KDM5C: variants seen among roughly 807,000 people sequenced by gnomAD.
KDM5C encodes the protein lysine demethylase 5C, also known as lysine-specific demethylase 5C.
Under a neutral mutation model 110.6 loss-of-function variants are expected in KDM5C, and 16 were observed. The observed-to-expected ratio is 0.14, with a 90% CI of 0.10 to 0.22. KDM5C has a LOEUF of 0.22. KDM5C is among the 10% of genes least tolerant of loss of function. The probability of loss-of-function intolerance (pLI) is 1.00; values close to 1 mark genes in which losing one functional copy is unlikely to be tolerated. For missense variants in KDM5C, 681 were observed against 1,300.9 expected (o/e 0.52, Z 7.33); for synonymous variants, 511 against 520.4 (o/e 0.98, Z 0.24).
At chrX:53,201,267 T>G in intron 14 of KDM5C, 1 of 363,615 alleles carries the variant, frequency 2.8e-6, no homozygotes, top group Non-Finnish European at 4.9e-6. Flanking sequence ...GTACCTGCCA[T>G]GGGTCAGTCA....
intron 14 of KDM5C, among the ~76,000 whole-genome samples, chrX:53,199,926 A>T (rs1463576914): frequency 9.9e-5 from 11 of 111,654 alleles, no homozygotes; most frequent in African/African-American, 3.6e-4. Flanking sequence ...TTATGAGCCC[A>T]AATCCCACTC....
Position 53,220,923 on chromosome X carries a change from G to A in KDM5C, c.151-7C>T, listed in dbSNP as rs367696630. The A allele has an allele frequency of 4.6e-5, 55 of 1,191,487 alleles. No homozygotes were observed. In the African/African-American group the frequency reaches 8.3e-4, roughly 18 times the overall value. On this transcript the variant is annotated splice_region_variant and splice_polypyrimidine_tract_variant and intron_variant, in intron 1 of 25. Transcript: ENST00000375401. ...CAAAGGGTGGCTGCCAGTCCTGAGA[G>A]GGTAGAGAGGGGAAAGGGACTTGAG...
At chrX:53,206,863 CAAAAAAA>C (rs58880985) in intron 12 of KDM5C, among the ~76,000 whole-genome samples, 1 of 22,329 alleles carries the variant, frequency 4.5e-5, no homozygotes, top group Non-Finnish European at 6.6e-5. Context: ...GATTCCTTCT[CAAAAAAA>C]AAAAAAAAAA....
intron 1 of KDM5C, chrX:53,221,826 G>A: frequency 8.4e-6 from 6 of 718,406 alleles, no homozygotes; most frequent in Non-Finnish European, 1.2e-5. Context: ...GATTTGGGGA[G>A]GGAAGTCAGG....
chrX:53,185,997 T>C (rs782026620), intron 25 of KDM5C, among the ~76,000 whole-genome samples: 1 of 111,952 alleles, frequency 8.9e-6, no homozygotes, highest in East Asian at 2.8e-4. Context: ...GCCACAGTCA[T>C]TGTACACTGG....
Position 53,199,007 on chromosome X carries a change from C to T in KDM5C, c.2213G>A (p.Cys738Tyr), listed in dbSNP as rs782004965. 1 of 1,212,124 alleles carries T rather than the reference C, an allele frequency of 8.2e-7. No homozygotes were observed. Among genetic ancestry groups the T allele is most frequent in the Non-Finnish European group, 1.1e-6 (1 of 895,616 alleles). ...LVCLSHINDL[C>Y]KCSSSRQYLR... ...GTACTGCCGGCTACTGGAGCACTTG[C>T]AGAGATCATTGATGTGGGAAAGGCA... Residue 738 changes from cysteine to tyrosine, a missense_variant, in exon 15 of 26, where the codon TGC becomes TAC. Cys to Tyr is a radical substitution (Grantham distance 194). Transcript: ENST00000375401.
chrX:53,193,778 T>C lies in KDM5C; in HGVS notation c.4112A>G (p.Lys1371Arg). 2 of 1,208,704 alleles carry C rather than the reference T, an allele frequency of 1.7e-6. No individual in the cohort carries two copies. Residue 1371 changes from lysine (K) to arginine (R), a missense_variant, in exon 24 of 26, where the codon AAG becomes AGG. By Grantham distance (26) the Lys-to-Arg change is conservative (BLOSUM62 2). Around this residue, in one of 14 missense-constraint regions of KDM5C, gnomAD observed 88 missense variants for 85.6 expected, o/e 1.03. Transcript: ENST00000375401. ...CACACCACACCTAGACCTACCTCTCTTACCTGAGCCCTCCTCCGGGGCTAC... is the reference window on the plus strand; with the variant it reads ...CACACCACACCTAGACCTACCTCTCCTACCTGAGCCCTCCTCCGGGGCTAC... ...EKVAPEEGSG[K>R]RDLELLSSLL... is the part of the protein sequence containing the mutation.
At chrX:53,218,025 T>C in intron 3 of KDM5C, 59 bp from the exon 4 acceptor site, 21 of 1,139,168 alleles carry the variant, frequency 1.8e-5, no homozygotes, top group Non-Finnish European at 2.4e-5. Context: ...TGTGAGGGAG[T>C]AGGCCTGTAG....
intron 1 of KDM5C, chrX:53,221,874 A>G (rs2073905804): frequency 2.2e-6 from 1 of 447,706 alleles, no homozygotes; most frequent in African/African-American, 2.5e-5. Flanking sequence ...TGCTCTGCCA[A>G]GTTGGAGCTT....
rs782726702 is a variant in KDM5C, at chrX:53,185,447, A to C, written c.4308+7990T>G. Among the ~76,000 whole-genome samples, 96 of 112,665 alleles carry C rather than the reference A, an allele frequency of 8.5e-4. 1 individual carries two copies. Among genetic ancestry groups the C allele is most frequent in the Middle Eastern group, 4.6e-3 (1 of 218 alleles). On this transcript the variant is annotated intron_variant, in intron 25 of 25. Coordinates refer to the KDM5C transcript ENST00000685641. The stretch of plus-strand genomic sequence containing the variant: ...TAACACCTGTTTTGGAATACTACAG[A>C]AGCAAGAAGTAAACTTGTCTTAAAT...
chrX:53,200,277 G>A (rs781966735), intron 14 of KDM5C, among the ~76,000 whole-genome samples: 1 of 111,220 alleles, frequency 9.0e-6, no homozygotes, highest in Non-Finnish European at 1.9e-5. Flanking sequence ...AAGTCTCTAG[G>A]GTTTTTTTGG....
At chrX:53,217,727 A>C (rs2073788105) in intron 4 of KDM5C, 69 bp downstream of exon 4, 1 of 1,128,850 alleles carries the variant, frequency 8.9e-7, no homozygotes, top group Admixed American at 2.2e-5. Flanking sequence ...AACCAGTTTC[A>C]TTAAGAGCAA....
At chrX:53,222,407 C>T (rs1556855136) in intron 1 of KDM5C, among the ~76,000 whole-genome samples, 1 of 109,417 alleles carries the variant, frequency 9.1e-6, no homozygotes, top group Non-Finnish European at 1.9e-5. Flanking sequence ...GGCTCAAATC[C>T]AGACAAGCTC....
In KDM5C at chrX:53,204,605, T is replaced by G. The variant is rs782235296; in HGVS notation, c.1747-2632A>C. On this transcript the variant is annotated intron_variant, in intron 12 of 25. Coordinates refer to ENST00000375401, the MANE Select transcript of KDM5C (RefSeq NM_004187.5). ...TCCGCCTCACGGGTTCATGCCATTC[T>G]CCTGCCTCAGCCTCCCGAGTAGCTG... Among the ~76,000 whole-genome samples the G allele has an allele frequency of 1.1e-4, 12 of 111,109 alleles. No homozygotes were observed. In the South Asian group the frequency reaches 4.6e-3, roughly 42 times the overall value.
At chrX:53,177,273 C>T (rs1207681595) in intron 25 of KDM5C, among the ~76,000 whole-genome samples, 7 of 111,512 alleles carry the variant, frequency 6.3e-5, no homozygotes, top group African/African-American at 1.6e-4. Context: ...CCCAGCTACT[C>T]GGGAGGCTGA....
At chrX:53,220,940 G>A (rs2073878636) in intron 1 of KDM5C, 24 bp from the exon 2 acceptor site, 1 of 1,158,149 alleles carries the variant, frequency 8.6e-7, no homozygotes, top group Admixed American at 2.2e-5. Flanking sequence ...GAGGGGAAAG[G>A]GACTTGAGTT....
chrX:53,218,972 C>T (rs1414517159), intron 2 of KDM5C, among the ~76,000 whole-genome samples: 1 of 112,217 alleles, frequency 8.9e-6, no homozygotes, highest in African/African-American at 3.2e-5. Context: ...TTAGATATGT[C>T]CTCTAATCTC....
At chrX:53,186,625 C>G, downstream of KDM5C, among the ~76,000 whole-genome samples, 1 of 112,541 alleles carries the variant, frequency 8.9e-6, no homozygotes. Flanking sequence ...TCCCTGTGAC[C>G]AGGTGACTAA....
downstream of KDM5C, among the ~76,000 whole-genome samples, chrX:53,188,759 C>T (rs1173106890): frequency 8.9e-6 from 1 of 111,834 alleles, no homozygotes; most frequent in Non-Finnish European, 1.9e-5. Context: ...ACTATGAGTT[C>T]TGTCTGGCAT....
Sources: allele counts gnomAD v4.1 joint callset (sites outside exome capture counted in the v4.1 genomes callset), GRCh38; gene constraint gnomAD v4.1.1; regional missense constraint gnomAD v4.1.1; transcripts MANE v1.5; gene names NCBI Gene and HGNC (gene_info 2026-07-23, HGNC 2026-07-21).